The following SPIRE2 variants were observed in gnomAD, a reference collection of about 807,000 sequenced individuals.
The protein encoded by SPIRE2 is spire type actin nucleation factor 2.
A neutral mutation model predicts 80.7 loss-of-function variants in SPIRE2; 76 were observed. The ratio of observed to expected loss-of-function variants is 0.94; its 90% CI spans 0.78 to 1.14. The LOEUF is 1.14. Among genes scored for constraint, SPIRE2 ranks in the 50% most tolerant of loss-of-function variants. The probability of loss-of-function intolerance (pLI) is 0.00; values close to 1 mark genes in which losing one functional copy is unlikely to be tolerated. For missense variants in SPIRE2, 1,196 were observed against 1,015.3 expected, an observed-to-expected ratio of 1.18 and a Z score of -2.42; for synonymous variants, 535 against 432.6, an observed-to-expected ratio of 1.24 and a Z score of -2.94.
intron 13 of SPIRE2, 138 bp downstream of exon 13, chr16:89,868,354 T>C: frequency 1.1e-6 from 1 of 938,376 alleles, no homozygotes; most frequent in Non-Finnish European, 1.7e-6. Flanking sequence ...TTCCTATACT[T>C]TCCAAGATAG....
At chr16:89,867,261 AG>A (rs927641231) in intron 12 of SPIRE2, among the ~76,000 whole-genome samples, 2 of 151,334 alleles carry the variant, frequency 1.3e-5, no homozygotes, top group African/African-American at 4.9e-5. Context: ...TCTCTGCCTC[AG>A]CCTCCCGAGT....
chr16:89,836,259 G>A (rs1469813947), intron 1 of SPIRE2: 1 of 455,998 alleles, frequency 2.2e-6, no homozygotes, highest in Non-Finnish European at 4.4e-6. Context: ...TCAGGGGTCA[G>A]CACCTGGACC....
At chr16:89,829,032 AC>A (rs1278020692) in intron 1 of SPIRE2, among the ~76,000 whole-genome samples, 2 of 148,198 alleles carry the variant, frequency 1.3e-5, no homozygotes, top group Non-Finnish European at 3.0e-5. Flanking sequence ...CCCCTCCCGG[AC>A]CCCCCCACCT....
intron 1 of SPIRE2, among the ~76,000 whole-genome samples, chr16:89,833,892 C>A (rs1297251993): frequency 2.6e-5 from 4 of 152,148 alleles, no homozygotes; most frequent in Admixed American, 2.6e-4. Context: ...TGAGCCCTCC[C>A]ATGTAGAAAG....
chr16:89,835,632 A>T (rs148826818), intron 1 of SPIRE2, among the ~76,000 whole-genome samples: 36 of 152,250 alleles, frequency 2.4e-4, no homozygotes, highest in African/African-American at 7.7e-4. Context: ...GGCTCTGATC[A>T]TTCACTCTGA....
Position 89,858,453 on chromosome 16 carries a change from C to T in SPIRE2, c.1218C>T (p.Arg406=), listed in dbSNP as rs143752388. The T allele has an allele frequency of 6.1e-3, 9,747 of 1,610,512 alleles. 73 individuals are homozygous for T. Among genetic ancestry groups the T allele is most frequent in the South Asian group, 0.02 (1,801 of 90,336 alleles). Residue 406 remains arginine (R), a synonymous_variant, in exon 8 of 15, where the codon CGC becomes CGT. Transcript: ENST00000378247. ...GCAGCGCCCAGCGCCCGCGGCCCCGCGTGCTGCTCAAGGCGCCTACCTTGG... is the reference window on the plus strand; with the variant it reads ...GCAGCGCCCAGCGCCCGCGGCCCCGTGTGCTGCTCAAGGCGCCTACCTTGG... The part of the protein sequence containing the change: ...AGGSAQRPRP[R]VLLKAPTLAE...
intron 3 of SPIRE2, among the ~76,000 whole-genome samples, chr16:89,850,889 G>T (rs1476579502): frequency 6.6e-6 from 1 of 152,080 alleles, no homozygotes; most frequent in African/African-American, 2.4e-5. Context: ...AGGCTGGAGG[G>T]GTAGTGGCTC....
chr16:89,857,136 CTTTT>C (rs59968762), intron 7 of SPIRE2, among the ~76,000 whole-genome samples: 1 of 122,934 alleles, frequency 8.1e-6, no homozygotes. Flanking sequence ...TTTCCTATAT[CTTTT>C]TTTTTTTTTT....
intron 1 of SPIRE2, among the ~76,000 whole-genome samples, chr16:89,842,217 T>A (rs2041513150): frequency 8.4e-6 from 1 of 119,368 alleles, no homozygotes; most frequent in Non-Finnish European, 1.6e-5. Context: ...AATTTTTTTT[T>A]TTTTTTTTTT....
intron 1 of SPIRE2, among the ~76,000 whole-genome samples, chr16:89,829,361 A>ACCT (rs2041357689): frequency 1.3e-5 from 2 of 152,232 alleles, no homozygotes; most frequent in Non-Finnish European, 2.9e-5. Context: ...ACCAACAATT[A>ACCT]AGCCCTAGAA....
At chr16:89,855,919 C>G in intron 6 of SPIRE2, 194 bp from the exon 7 acceptor site, 1 of 1,096,986 alleles carries the variant, frequency 9.1e-7, no homozygotes, top group Non-Finnish European at 1.3e-6. Context: ...CCCACCCCAC[C>G]CCAGGTGCAT....
At chr16:89,841,641 G>A (rs1236841012) in intron 1 of SPIRE2, among the ~76,000 whole-genome samples, 3 of 152,140 alleles carry the variant, frequency 2.0e-5, no homozygotes, top group East Asian at 1.9e-4. Context: ...CATCTGTAAC[G>A]AGGAAATTAT....
chr16:89,858,524 A>G lies in SPIRE2; in HGVS notation c.1272+17A>G, dbSNP rs769642816. On this transcript the variant is annotated intron_variant, in intron 8 of 14. Transcript: ENST00000378247. ...ACATCTGAGGTCAGAACCCATGGGG[A>G]TTCCTGAAAAGAGACCAGGAATGGG... 5.2e-6 allele frequency: 8 copies of G among 1,543,758 alleles called. No individual in the cohort carries two copies. In the South Asian group the frequency reaches 9.9e-5, roughly 19 times the overall value.
In SPIRE2 at chr16:89,845,991, G is replaced by T. The variant is rs11076639; in HGVS notation, c.288+626G>T. On this transcript the variant is annotated intron_variant, in intron 2 of 14. Coordinates refer to ENST00000378247, the MANE Select transcript of SPIRE2 (RefSeq NM_032451.2). ...GGCTTACTGCAAGCTCCGCCTCCCG[G>T]GTTCACACCTTTCTCCTGCCTCAGC... 4 of 209,180 alleles carry T rather than the reference G, an allele frequency of 1.9e-5. No individual in the cohort carries two copies. The East Asian group carries it at 3.8e-4, about 20-fold the overall frequency. 13.0% of individuals were successfully genotyped at this position (209,180 alleles called of 1,614,324 possible).
chr16:89,853,464 T>A (rs914937800), intron 3 of SPIRE2, among the ~76,000 whole-genome samples: 5 of 152,112 alleles, frequency 3.3e-5, no homozygotes, highest in African/African-American at 1.2e-4. Flanking sequence ...CAGGAACAGG[T>A]ACAGGTGTTC....
rs140905477 is a variant in SPIRE2, at chr16:89,859,145, C to T, written c.1273-20C>T. Reference sequence around the variant, plus strand: ...CTGGCGGGCATTGTCAGGGCAGGGCCGCGTCTGGTGTGTCCACAGGAAGAA... The same window carrying T: ...CTGGCGGGCATTGTCAGGGCAGGGCTGCGTCTGGTGTGTCCACAGGAAGAA... On this transcript the variant is annotated intron_variant, in intron 8 of 14. Coordinates refer to ENST00000378247, the MANE Select transcript of SPIRE2 (RefSeq NM_032451.2). 3.6e-4 allele frequency: 557 copies of T among 1,528,620 alleles called. 2 individuals are homozygous for T. The African/African-American group carries it at 6.4e-3, about 18-fold the overall frequency. The allele number at this position is 1,528,620 out of a possible 1,614,324, so 94.7% of individuals were successfully genotyped here.
In SPIRE2 at chr16:89,854,267, C is replaced by A; in HGVS notation, c.646-19C>A. ...CATTCTCGTACCTCCCCTGGACTGA[C>A]GAGCACGTGTGGTCACAGATGCTGC... On this transcript the variant is annotated intron_variant, in intron 3 of 14. Coordinates refer to ENST00000378247, the MANE Select transcript of SPIRE2 (RefSeq NM_032451.2). 1 of 1,609,176 alleles carries A rather than the reference C, an allele frequency of 6.2e-7. No homozygotes were observed. Among genetic ancestry groups the A allele is most frequent in the Middle Eastern group, 1.7e-4 (1 of 6,052 alleles).
chr16:89,846,002 T>G, intron 2 of SPIRE2: 1 of 187,664 alleles, frequency 5.3e-6, no homozygotes, highest in Admixed American at 5.6e-5. Flanking sequence ...GTTCACACCT[T>G]TCTCCTGCCT....
chr16:89,838,900 T>C (rs2041476648), intron 1 of SPIRE2, among the ~76,000 whole-genome samples: 1 of 151,894 alleles, frequency 6.6e-6, no homozygotes, highest in Non-Finnish European at 1.5e-5. Flanking sequence ...AGTGTCCCTG[T>C]GTGCAATCTA....
Sources: allele counts gnomAD v4.1 joint callset (sites outside exome capture counted in the v4.1 genomes callset), GRCh38; gene constraint gnomAD v4.1.1; transcripts MANE v1.5; gene names NCBI Gene and HGNC (gene_info 2026-07-23, HGNC 2026-07-21).